The following MAP3K20 variants were observed in gnomAD, a reference collection of about 807,000 sequenced individuals.
MAP3K20 encodes HCCS-4.
MAP3K20 carries 40 observed loss-of-function variants against 85.7 expected under a neutral mutation model. The ratio of observed to expected loss-of-function variants is 0.47; its 90% CI spans 0.36 to 0.61. MAP3K20 has a LOEUF of 0.61. MAP3K20 is among the 20% of genes least tolerant of loss of function. The pLI is 0.00. For synonymous variants in MAP3K20, 325 were observed against 327.7 expected (o/e 0.99, Z 0.09); for missense variants, 817 against 961.7 (o/e 0.85, Z 1.99).
intron 11 of MAP3K20, among the ~76,000 whole-genome samples, chr2:173,217,456 AG>A (rs1397719680): frequency 1.3e-5 from 2 of 152,228 alleles, no homozygotes; most frequent in African/African-American, 4.8e-5. Context: ...TTAAAAGAAA[AG>A]CTTATCCTAT....
chr2:173,129,794 A>G (rs1281187510), intron 2 of MAP3K20, among the ~76,000 whole-genome samples: 4 of 152,268 alleles, frequency 2.6e-5, no homozygotes, highest in Non-Finnish European at 5.9e-5. Flanking sequence ...AAAATTACGC[A>G]TAATCAGAAA....
At chr2:173,242,394 C>T (rs2106339974) in intron 16 of MAP3K20, among the ~76,000 whole-genome samples, 1 of 152,074 alleles carries the variant, frequency 6.6e-6, no homozygotes, top group Admixed American at 6.5e-5. Flanking sequence ...GTCTCGAACT[C>T]CCGACCTCAG....
intron 2 of MAP3K20, among the ~76,000 whole-genome samples, chr2:173,158,583 T>C (rs1177936729): frequency 6.6e-6 from 1 of 152,208 alleles, no homozygotes; most frequent in Non-Finnish European, 1.5e-5. Flanking sequence ...AATAACTACA[T>C]GAGGCTAATT....
Position 173,134,428 on chromosome 2 carries a change from A to ATTTTTTTT in MAP3K20, c.160-35365_160-35358dup, listed in dbSNP as rs1274644433. On this transcript the variant is annotated intron_variant, in intron 2 of 19. Coordinates refer to ENST00000375213, the MANE Select transcript of MAP3K20 (RefSeq NM_016653.3). ...TATATATATATATATATATATATAT[A>ATTTTTTTT]TTTTTTTTTTTTTTTTTTTGCAGAG... Among the ~76,000 whole-genome samples the ATTTTTTTT allele has an allele frequency of 1.6e-3, 5 of 3,156 alleles. 1 individual carries two copies. The Admixed American group carries it at 0.024, about 15-fold the overall frequency. The allele number at this position is 3,156 out of a possible 152,430, so 2.1% of individuals were successfully genotyped here. A position where few individuals can be genotyped will look rare whatever the true frequency, so the allele number is the denominator to read the frequency against.
chr2:173,214,308 C>G (rs558519741), intron 10 of MAP3K20: 1 of 152,242 alleles, frequency 6.6e-6, no homozygotes, highest in African/African-American at 2.4e-5. Context: ...GCATTAAGAA[C>G]AGAAAATGTG....
intron 2 of MAP3K20, among the ~76,000 whole-genome samples, chr2:173,163,162 G>C (rs1351950767): frequency 6.6e-6 from 1 of 152,190 alleles, no homozygotes; most frequent in Non-Finnish European, 1.5e-5. Flanking sequence ...TACGTGTGCA[G>C]GTTTGTAACA....
At chr2:173,127,749 A>G (rs868050883) in intron 2 of MAP3K20, among the ~76,000 whole-genome samples, 1 of 147,978 alleles carries the variant, frequency 6.8e-6, no homozygotes, top group African/African-American at 2.5e-5. Flanking sequence ...AAAAAAAAAA[A>G]GTAAGACATA....
In MAP3K20 at chr2:173,146,476, G is replaced by A. The variant is rs191377767; in HGVS notation, c.160-23329G>A. 2.5e-3 allele frequency among the ~76,000 whole-genome samples: 385 copies of A among 151,838 alleles called. 5 individuals carry two copies. Among genetic ancestry groups the A allele is most frequent in the Admixed American group, 0.024 (364 of 15,260 alleles). Reference sequence around the variant, plus strand: ...ATTAAGTGTTTTATAATATATTCACGGTTATGAAATCATCACCACAATCAC... The same window carrying A: ...ATTAAGTGTTTTATAATATATTCACAGTTATGAAATCATCACCACAATCAC... On this transcript the variant is annotated intron_variant, in intron 2 of 19. Coordinates refer to ENST00000375213, the MANE Select transcript of MAP3K20 (RefSeq NM_016653.3).
intron 16 of MAP3K20, among the ~76,000 whole-genome samples, chr2:173,254,459 G>C (rs560768270): frequency 4.7e-5 from 7 of 148,220 alleles, no homozygotes; most frequent in Middle Eastern, 3.5e-3. Flanking sequence ...AAAAAAATCA[G>C]AGTCCACTGT....
chr2:173,186,458 C>G (rs562535661), intron 4 of MAP3K20, among the ~76,000 whole-genome samples: 2 of 152,088 alleles, frequency 1.3e-5, no homozygotes, highest in African/African-American at 4.8e-5. Flanking sequence ...TAACTTGACT[C>G]TTCAGTGATA....
chr2:173,092,527 T>C (rs1454136781), intron 2 of MAP3K20, among the ~76,000 whole-genome samples: 1 of 152,190 alleles, frequency 6.6e-6, no homozygotes, highest in Non-Finnish European at 1.5e-5. Context: ...GAGGGGCAAA[T>C]GAAATCCAGG....
At position 173,147,509 on chromosome 2, in the gene MAP3K20, T is replaced by C. The variant is rs188026547; in HGVS notation, c.160-22296T>C. 3.3e-5 allele frequency among the ~76,000 whole-genome samples: 5 copies of C among 152,336 alleles called. No individual in the cohort carries two copies. In the East Asian group the frequency reaches 7.7e-4, roughly 23 times the overall value. On this transcript the variant is annotated intron_variant, in intron 2 of 19. Transcript: ENST00000375213. ...GTGCATATTGCTATTCTAAACAAAATAGAATGCAACCAGCAGCATCTGCCA... is the reference window on the plus strand; with the variant it reads ...GTGCATATTGCTATTCTAAACAAAACAGAATGCAACCAGCAGCATCTGCCA...
In MAP3K20 at chr2:173,219,014, A is replaced by C. The variant is rs560523067; in HGVS notation, c.987+1764A>C. Among the ~76,000 whole-genome samples, 5 of 152,236 alleles carry C rather than the reference A, an allele frequency of 3.3e-5. No individual in the cohort carries two copies. In the East Asian group the frequency reaches 9.6e-4, roughly 29 times the overall value. On this transcript the variant is annotated intron_variant, in intron 11 of 19. Transcript: ENST00000375213. The stretch of plus-strand genomic sequence containing the variant: ...GATTTTCTTCTTTTTTCCTTATGGG[A>C]GATAAGTTTTCTTTCTTTACAGTAC...
intron 10 of MAP3K20, 132 bp from the exon 11 acceptor site, chr2:173,216,983 C>A: frequency 1.1e-6 from 1 of 873,378 alleles, no homozygotes; most frequent in Non-Finnish European, 1.6e-6. Flanking sequence ...ATTCCTTCTC[C>A]TCCGGCAGTT....
intron 2 of MAP3K20, among the ~76,000 whole-genome samples, chr2:173,113,036 G>A (rs1008885153): frequency 5.3e-5 from 8 of 151,972 alleles, no homozygotes; most frequent in South Asian, 2.1e-4. Flanking sequence ...CTGTGAATCC[G>A]TCTGGTCCTG....
chr2:173,082,538 A>G (rs985889209), intron 1 of MAP3K20, among the ~76,000 whole-genome samples: 6 of 152,232 alleles, frequency 3.9e-5, no homozygotes, highest in African/African-American at 1.4e-4. Context: ...TTTGGGGTAC[A>G]AACAAGGGCT....
At position 173,263,696 on chromosome 2, in the gene MAP3K20, T is replaced by C. The variant is rs754251597; in HGVS notation, c.1552-49T>C. ...ATATATGTGTGTCTATTTGGTCATATGTTTCTATTTGTCTTTTTTTTGTCT... is the reference window on the plus strand; with the variant it reads ...ATATATGTGTGTCTATTTGGTCATACGTTTCTATTTGTCTTTTTTTTGTCT... On this transcript the variant is annotated intron_variant, in intron 18 of 19. Transcript: ENST00000375213. 2.6e-6 allele frequency: 4 copies of C among 1,561,276 alleles called. No homozygotes were observed. In the South Asian group the frequency reaches 4.7e-5, roughly 18 times the overall value.
chr2:173,230,981 G>A (rs1035293937), intron 12 of MAP3K20, among the ~76,000 whole-genome samples: 7 of 152,128 alleles, frequency 4.6e-5, no homozygotes, highest in African/African-American at 1.7e-4. Context: ...GGGCAACAGA[G>A]CAAGGCTTCA....
chr2:173,183,250 T>G (rs189011203), intron 4 of MAP3K20, among the ~76,000 whole-genome samples: 30 of 152,318 alleles, frequency 2.0e-4, no homozygotes, highest in Middle Eastern at 3.4e-3. Flanking sequence ...ATTGACTAGC[T>G]TGCTTGACAC....
Sources: allele counts gnomAD v4.1 joint callset (sites outside exome capture counted in the v4.1 genomes callset), GRCh38; gene constraint gnomAD v4.1.1; transcripts MANE v1.5; gene names NCBI Gene and HGNC (gene_info 2026-07-23, HGNC 2026-07-21).